NCK2: variants seen among roughly 807,000 people sequenced by gnomAD.
NCK2 encodes the protein cytoplasmic protein NCK2.
NCK2 carries 16 observed loss-of-function variants against 33.9 expected under a neutral mutation model. The ratio of observed to expected loss-of-function variants is 0.47; its 90% confidence interval spans 0.32 to 0.72. The LOEUF (loss-of-function observed/expected upper bound fraction) is 0.72, where lower values mean the gene tolerates loss of function less well. Among genes scored for constraint, NCK2 ranks in the 30% least tolerant of loss-of-function variants. The pLI is 0.03. For synonymous variants in NCK2, 273 were observed against 239.9 expected, an observed-to-expected ratio of 1.14 and a Z score of -1.27; for missense variants, 418 against 537.3, an observed-to-expected ratio of 0.78 and a Z score of 2.19.
intron 1 of NCK2, among the ~76,000 whole-genome samples, chr2:105,746,107 G>A (rs150104910): frequency 6.6e-6 from 1 of 152,284 alleles, no homozygotes; most frequent in African/African-American, 2.4e-5. Flanking sequence ...GCGTGGAGTC[G>A]GCCTTGGCCA....
intron 2 of NCK2, among the ~76,000 whole-genome samples, chr2:105,830,960 GAATATTTTGGATAATA>G (rs1182359168): frequency 6.6e-6 from 1 of 151,958 alleles, no homozygotes; most frequent in Non-Finnish European, 1.5e-5. Flanking sequence ...TGAATTCCTT[GAATATTTTGGATAATA>G]AATAGTCCCT....
chr2:105,771,648 GTTCTT>G (rs1460777617), intron 1 of NCK2, among the ~76,000 whole-genome samples: 2 of 152,174 alleles, frequency 1.3e-5, no homozygotes, highest in Non-Finnish European at 2.9e-5. Context: ...AGAAAGTAAT[GTTCTT>G]TTCTTATCAA....
At chr2:105,745,330 C>T (rs1404023134) in intron 1 of NCK2, among the ~76,000 whole-genome samples, 192 bp downstream of exon 1, 1 of 151,754 alleles carries the variant, frequency 6.6e-6, no homozygotes, top group Non-Finnish European at 1.5e-5. Flanking sequence ...CTGCCGGGCA[C>T]CTCCCGGCTC....
At chr2:105,795,612 C>A (rs62152202) in intron 1 of NCK2, among the ~76,000 whole-genome samples, 16,662 of 152,166 alleles carry the variant, frequency 0.11, 1,187 homozygotes, top group Non-Finnish European at 0.16. Context: ...GATTTCATTC[C>A]CCAAGGGATA....
At chr2:105,830,855 A>G (rs2104521846) in intron 2 of NCK2, among the ~76,000 whole-genome samples, 1 of 152,202 alleles carries the variant, frequency 6.6e-6, no homozygotes. Context: ...AGAAATGTTT[A>G]TTCAGATCCT....
intron 3 of NCK2, among the ~76,000 whole-genome samples, chr2:105,871,836 T>G (rs1306104628): frequency 1.3e-5 from 2 of 152,034 alleles, no homozygotes; most frequent in African/African-American, 4.8e-5. Flanking sequence ...AGGTAAAAAG[T>G]TTCCTGGGTC....
At chr2:105,767,757 G>A (rs1469570434) in intron 1 of NCK2, among the ~76,000 whole-genome samples, 1 of 152,198 alleles carries the variant, frequency 6.6e-6, no homozygotes, top group African/African-American at 2.4e-5. Flanking sequence ...TTGGCGCGAG[G>A]TTTGAGGTTT....
intron 1 of NCK2, among the ~76,000 whole-genome samples, chr2:105,801,343 A>G (rs1207954427): frequency 6.6e-6 from 1 of 151,848 alleles, no homozygotes; most frequent in Non-Finnish European, 1.5e-5. Context: ...TCTGTTGACC[A>G]GCTCACTCGG....
At chr2:105,870,463 A>C (rs1423134465) in intron 3 of NCK2, among the ~76,000 whole-genome samples, 5 of 152,218 alleles carry the variant, frequency 3.3e-5, no homozygotes, top group Non-Finnish European at 5.9e-5. Context: ...CCTAGAAATA[A>C]GAAAAGTCAG....
intron 1 of NCK2, among the ~76,000 whole-genome samples, chr2:105,767,702 C>G (rs1689992417): frequency 6.6e-6 from 1 of 152,160 alleles, no homozygotes; most frequent in Non-Finnish European, 1.5e-5. Flanking sequence ...CAGCAAGGAA[C>G]AGAAATCAGG....
chr2:105,787,413 A>C (rs1468515571), intron 1 of NCK2, among the ~76,000 whole-genome samples: 2 of 152,070 alleles, frequency 1.3e-5, no homozygotes, highest in Non-Finnish European at 2.9e-5. Context: ...GGGCCCCCAT[A>C]ATGGGATTCC....
chr2:105,807,684 CT>C (rs903152383), intron 1 of NCK2, among the ~76,000 whole-genome samples: 82 of 146,824 alleles, frequency 5.6e-4, no homozygotes, highest in Non-Finnish European at 1.0e-3. Context: ...AACCTCTCTC[CT>C]TTTTTTTTTC....
At chr2:105,836,206 G>A (rs1432305469) in intron 2 of NCK2, among the ~76,000 whole-genome samples, 7 of 151,106 alleles carry the variant, frequency 4.6e-5, no homozygotes, top group Non-Finnish European at 8.8e-5. Context: ...GTATCTGTAC[G>A]TTGATATCTG....
intron 4 of NCK2, among the ~76,000 whole-genome samples, chr2:105,889,670 A>G (rs1648403523): frequency 6.8e-6 from 1 of 146,558 alleles, no homozygotes; most frequent in African/African-American, 2.6e-5. Context: ...TGTTGCCTTG[A>G]CCTCCCGGGC....
chr2:105,869,036 G>A (rs933697195), intron 3 of NCK2, among the ~76,000 whole-genome samples: 4 of 152,152 alleles, frequency 2.6e-5, no homozygotes, highest in East Asian at 3.9e-4. Context: ...ACGTTTGTTT[G>A]TCCAAAGCAG....
At chr2:105,848,489 G>A (rs1264327838) in intron 2 of NCK2, 3 of 152,174 alleles carry the variant, frequency 2.0e-5, no homozygotes, top group African/African-American at 7.2e-5. Flanking sequence ...ACTGAGCAAA[G>A]GTCTTACTGA....
intron 1 of NCK2, among the ~76,000 whole-genome samples, chr2:105,761,180 C>T (rs896047466): frequency 8.5e-5 from 13 of 152,112 alleles, no homozygotes; most frequent in African/African-American, 3.1e-4. Flanking sequence ...AGGGTTGTGC[C>T]CTACCCGGGT....
At chr2:105,837,898 C>T (rs370482158) in intron 2 of NCK2, among the ~76,000 whole-genome samples, 1 of 152,148 alleles carries the variant, frequency 6.6e-6, no homozygotes, top group East Asian at 1.9e-4. Context: ...TGTATTTTGC[C>T]TGCTGCCTAA....
intron 1 of NCK2, among the ~76,000 whole-genome samples, chr2:105,749,187 A>G (rs1689377236): frequency 6.6e-6 from 1 of 152,240 alleles, no homozygotes; most frequent in Admixed American, 6.5e-5. Flanking sequence ...AACGCTGGGC[A>G]GACCGTTTGT....
Sources: gnomAD v4.1 joint callset for allele counts (sites outside exome capture counted in the v4.1 genomes callset) on GRCh38, gnomAD v4.1.1 for gene constraint, MANE v1.5 for transcripts, NCBI Gene and HGNC (gene_info 2026-07-23, HGNC 2026-07-21) for gene names.